MAML2: variants seen among roughly 807,000 people sequenced by gnomAD.
MAML2 encodes the protein mastermind-like protein 2.
In MAML2, 22 loss-of-function variants were observed where a neutral mutation model predicts 96.1. That is an observed-to-expected ratio of 0.23 (90% confidence interval 0.16 to 0.33). The LOEUF (loss-of-function observed/expected upper bound fraction) is 0.33. Among genes scored for constraint, MAML2 ranks in the 10% least tolerant of loss-of-function variants. The probability of loss-of-function intolerance (pLI) is 1.00; values close to 1 mark genes in which losing one functional copy is unlikely to be tolerated. For missense variants in MAML2, 1,367 were observed against 1,392.4 expected, an observed-to-expected ratio of 0.98 and a Z score of 0.29; for synonymous variants, 561 against 521.3, an observed-to-expected ratio of 1.08 and a Z score of -1.04.
At chr11:95,985,386 T>C (rs1217561871) in intron 4 of MAML2, 145 bp downstream of exon 4, 1 of 578,272 alleles carries the variant, frequency 1.7e-6, no homozygotes. Flanking sequence ...AATATTTAAC[T>C]GTAGTCTTGG....
intron 1 of MAML2, among the ~76,000 whole-genome samples, chr11:96,313,987 GC>G (rs1369217706): frequency 2.6e-5 from 4 of 152,216 alleles, no homozygotes; most frequent in Non-Finnish European, 5.9e-5. Flanking sequence ...TTGAGTAGGA[GC>G]ACAGTAATTC....
chr11:96,135,444 A>C (rs1408081860), intron 1 of MAML2, among the ~76,000 whole-genome samples: 1 of 151,512 alleles, frequency 6.6e-6, no homozygotes, highest in Non-Finnish European at 1.5e-5. Flanking sequence ...ATTTCTTCTT[A>C]TTATTACACT....
intron 1 of MAML2, among the ~76,000 whole-genome samples, chr11:96,261,460 GAGGAA>G (rs1862748433): frequency 6.6e-6 from 1 of 152,218 alleles, no homozygotes; most frequent in Non-Finnish European, 1.5e-5. Context: ...CATTTATTGA[GAGGAA>G]AGACAAGGTG....
intron 1 of MAML2, among the ~76,000 whole-genome samples, chr11:96,302,952 T>G (rs376214619): frequency 6.6e-6 from 1 of 152,238 alleles, no homozygotes; most frequent in Admixed American, 6.5e-5. Context: ...ATTATGATTA[T>G]TTTCATGCAT....
At chr11:96,023,462 G>A (rs1014296624) in intron 2 of MAML2, among the ~76,000 whole-genome samples, 36 of 152,124 alleles carry the variant, frequency 2.4e-4, no homozygotes, top group African/African-American at 8.4e-4. Context: ...CAGACTGCCC[G>A]GTAGCCAGGC....
intron 1 of MAML2, among the ~76,000 whole-genome samples, chr11:96,288,542 CAAA>C (rs60166307): frequency 3.6e-5 from 3 of 83,974 alleles, no homozygotes; most frequent in Non-Finnish European, 7.8e-5. Context: ...GACTCTGTCT[CAAA>C]AAAAAAAAAA....
At chr11:96,057,185 C>T (rs543806257) in intron 2 of MAML2, among the ~76,000 whole-genome samples, 11 of 152,216 alleles carry the variant, frequency 7.2e-5, no homozygotes, top group African/African-American at 2.2e-4. Flanking sequence ...GCCATGGATG[C>T]CAGGATCTCA....
At chr11:96,121,499 C>T (rs919074725) in intron 1 of MAML2, among the ~76,000 whole-genome samples, 6 of 152,092 alleles carry the variant, frequency 3.9e-5, no homozygotes, top group African/African-American at 9.7e-5. Flanking sequence ...TGTCAATAAA[C>T]CCTCAATAAA....
chr11:96,266,848 A>C (rs1318096613), intron 1 of MAML2, among the ~76,000 whole-genome samples: 1 of 152,228 alleles, frequency 6.6e-6, no homozygotes, highest in Non-Finnish European at 1.5e-5. Context: ...AAATGTGGTT[A>C]ATAATGAGCC....
At chr11:96,337,328 A>G (rs912504517) in intron 1 of MAML2, among the ~76,000 whole-genome samples, 9 of 152,336 alleles carry the variant, frequency 5.9e-5, no homozygotes, top group African/African-American at 1.2e-4. Flanking sequence ...TTAATTGTCA[A>G]TTGGAAACTT....
chr11:96,092,969 C>T lies in MAML2; in HGVS notation c.1062G>A (p.Arg354=), dbSNP rs368798429. 6.7e-5 allele frequency: 108 copies of T among 1,613,508 alleles called. No homozygotes were observed. The highest frequency in any genetic ancestry group is 1.6e-4 in the Middle Eastern group (1 of 6,084). ...CTATTTTCTCCATGGGTAAGGAGGG[C>T]CTAGGTGTGCTCCTCTGGCTTTGCT... The part of the protein sequence containing the change: ...LGQQSQRSTP[R]PSLPMEKIVI... The change falls in exon 2 of 5, where the codon AGG becomes AGA. Residue 354 remains arginine, a synonymous_variant. Coordinates refer to ENST00000524717, the MANE Select transcript of MAML2 (RefSeq NM_032427.4). This position sits in a 1 kb window ranked among gnomAD's most constrained non-coding sequence, Gnocchi z 4.1.
chr11:96,320,480 C>G (rs1165338669), intron 1 of MAML2, among the ~76,000 whole-genome samples: 3 of 152,200 alleles, frequency 2.0e-5, no homozygotes, highest in Admixed American at 1.3e-4. Context: ...ATGGCTCTGG[C>G]AGAACATCCA....
chr11:96,163,694 C>T (rs537375661), intron 1 of MAML2, among the ~76,000 whole-genome samples: 30 of 152,116 alleles, frequency 2.0e-4, no homozygotes, highest in African/African-American at 7.2e-4. Context: ...GTAGGTTGTC[C>T]AAACCTTTGG....
intron 2 of MAML2, among the ~76,000 whole-genome samples, chr11:96,015,173 C>A (rs1262128911): frequency 6.6e-6 from 1 of 152,130 alleles, no homozygotes; most frequent in African/African-American, 2.4e-5. Context: ...AAAACTAAGG[C>A]AGCCAGAGCC....
At chr11:96,131,291 C>T (rs1043518366) in intron 1 of MAML2, among the ~76,000 whole-genome samples, 2 of 151,660 alleles carry the variant, frequency 1.3e-5, no homozygotes, top group African/African-American at 4.8e-5. Flanking sequence ...GTGAAAAAAT[C>T]ACAGAATTGA....
chr11:96,332,866 A>C (rs1863871600), intron 1 of MAML2, among the ~76,000 whole-genome samples: 1 of 152,138 alleles, frequency 6.6e-6, no homozygotes, highest in Non-Finnish European at 1.5e-5. Context: ...TAAGTAAGAC[A>C]CAGTACAGTA....
chr11:96,210,781 G>C (rs1861959975), intron 1 of MAML2, among the ~76,000 whole-genome samples: 1 of 152,168 alleles, frequency 6.6e-6, no homozygotes. Context: ...TCTAAGCATA[G>C]TGTTCAACAA....
chr11:96,003,419 A>C (rs1858128688), intron 2 of MAML2, among the ~76,000 whole-genome samples: 1 of 143,562 alleles, frequency 7.0e-6, no homozygotes, highest in Admixed American at 7.0e-5. Context: ...TTCAAGTTAC[A>C]GAACTTGTCT....
chr11:96,079,784 G>C (rs1859503497), intron 2 of MAML2, among the ~76,000 whole-genome samples: 1 of 152,136 alleles, frequency 6.6e-6, no homozygotes, highest in Non-Finnish European at 1.5e-5. Flanking sequence ...GAGACAAAAG[G>C]GATCCAGAAA....
Sources: allele counts gnomAD v4.1 joint callset (sites outside exome capture counted in the v4.1 genomes callset), GRCh38; gene constraint gnomAD v4.1.1; non-coding constraint Gnocchi (gnomAD v3.1); transcripts MANE v1.5; gene names NCBI Gene and HGNC (gene_info 2026-07-23, HGNC 2026-07-21).